The following CACNA1D variants were observed in gnomAD, a reference collection of about 807,000 sequenced individuals.
CACNA1D encodes the protein voltage-dependent L-type calcium channel subunit alpha-1D.
Under a neutral mutation model 257.1 loss-of-function variants are expected in CACNA1D, and 55 were observed. The ratio of observed to expected loss-of-function variants is 0.21; its 90% CI spans 0.17 to 0.27. CACNA1D has a LOEUF of 0.27. Among genes scored for constraint, CACNA1D ranks in the 10% least tolerant of loss-of-function variants. The pLI is 1.00. For missense variants in CACNA1D, 1,876 were observed against 2,784.0 expected (o/e 0.67, Z 7.34); for synonymous variants, 980 against 1,014.9 (o/e 0.97, Z 0.65).
chr3:53,569,261 C>T (rs747600757), intron 3 of CACNA1D, among the ~76,000 whole-genome samples: 1 of 152,212 alleles, frequency 6.6e-6, no homozygotes, highest in Non-Finnish European at 1.5e-5. Flanking sequence ...CAGTTGAGGC[C>T]TCCCTTCCAC....
chr3:53,538,405 C>T (rs145538392), intron 3 of CACNA1D, among the ~76,000 whole-genome samples: 105 of 152,296 alleles, frequency 6.9e-4, no homozygotes, highest in African/African-American at 2.4e-3. Flanking sequence ...GATCCGTCCC[C>T]ATCGGCCTCC....
chr3:53,688,709 A>C (rs1046728987), intron 8 of CACNA1D, among the ~76,000 whole-genome samples: 2 of 152,162 alleles, frequency 1.3e-5, no homozygotes, highest in African/African-American at 4.8e-5. Context: ...GATTTCTCTA[A>C]GTCTGACTGT....
chr3:53,666,612 G>C (rs2094267058), intron 7 of CACNA1D, 77 bp downstream of exon 7: 6 of 1,209,194 alleles, frequency 5.0e-6, no homozygotes, highest in Middle Eastern at 1.9e-4. Flanking sequence ...AGCCACTGGA[G>C]AGGTGGCTGG....
chr3:53,682,092 T>A (rs1395233828), intron 8 of CACNA1D, among the ~76,000 whole-genome samples: 1 of 152,188 alleles, frequency 6.6e-6, no homozygotes, highest in Non-Finnish European at 1.5e-5. Context: ...AATGCATGGA[T>A]GAATTTTAAG....
intron 3 of CACNA1D, among the ~76,000 whole-genome samples, chr3:53,558,005 T>G (rs541225168): frequency 3.9e-5 from 6 of 152,254 alleles, no homozygotes; most frequent in Non-Finnish European, 7.3e-5. Flanking sequence ...CTCTATTTAT[T>G]AAGGTCAGCT....
chr3:53,734,016 G>GTATATATATATA (rs58714566), intron 19 of CACNA1D, among the ~76,000 whole-genome samples: 1 of 131,702 alleles, frequency 7.6e-6, no homozygotes, highest in Non-Finnish European at 1.6e-5. Context: ...ATATGTGTGT[G>GTATATATATATA]TATATATATA....
chr3:53,738,684 A>G (rs1240057212), intron 20 of CACNA1D, among the ~76,000 whole-genome samples: 1 of 152,082 alleles, frequency 6.6e-6, no homozygotes, highest in African/African-American at 2.4e-5. Flanking sequence ...AAATAGATGT[A>G]CATATGTGTA....
intron 40 of CACNA1D, among the ~76,000 whole-genome samples, chr3:53,798,988 G>A (rs186069909): frequency 6.6e-5 from 10 of 152,292 alleles, no homozygotes; most frequent in South Asian, 2.1e-4. Flanking sequence ...ACAGGGAAGC[G>A]GTCTCCTCTC....
In CACNA1D at chr3:53,723,517, G is replaced by T. The variant is rs773365038; in HGVS notation, c.1750G>T (p.Val584Phe). 4 of 1,613,916 alleles carry T rather than the reference G, an allele frequency of 2.5e-6. No individual in the cohort carries two copies. The highest frequency in any genetic ancestry group is 3.4e-6 in the Non-Finnish European group (4 of 1,180,000). Residue 584 changes from valine to phenylalanine, a missense_variant, in exon 13 of 48, where the codon GTC (valine) becomes TTC (phenylalanine). Physicochemically the swap from Val to Phe is conservative, Grantham distance 50. Coordinates refer to ENST00000350061, the MANE Select transcript of CACNA1D (RefSeq NM_001128840.3). This position sits in a 1 kb window ranked among gnomAD's most constrained non-coding sequence, Gnocchi z 5.6. Reference protein sequence around the residue: ...MYSLGLQAYFVSLFNRFDCFV... With the variant: ...MYSLGLQAYFFSLFNRFDCFV... ...CAGCTTGGGCCTCCAAGCATATTTC[G>T]TCTCTCTTTTCAACCGGTTTGATTG...
intron 43 of CACNA1D, among the ~76,000 whole-genome samples, chr3:53,802,467 T>C (rs574139016): frequency 5.9e-5 from 9 of 152,340 alleles, no homozygotes; most frequent in African/African-American, 2.2e-4. Flanking sequence ...CCATTGTGCA[T>C]TTACAGGGGC....
chr3:53,741,030 C>T (rs989005454), intron 21 of CACNA1D, among the ~76,000 whole-genome samples: 4 of 152,162 alleles, frequency 2.6e-5, no homozygotes, highest in South Asian at 2.1e-4. Flanking sequence ...GCCCTTTGGC[C>T]GGGGTGACCT....
chr3:53,674,055 G>A, intron 8 of CACNA1D: 1 of 598,232 alleles, frequency 1.7e-6, no homozygotes, highest in African/African-American at 1.8e-5. Context: ...AAAGCCAGTT[G>A]TGTTAGTATG....
At chr3:53,639,578 G>A (rs1272639262) in intron 3 of CACNA1D, among the ~76,000 whole-genome samples, 1 of 152,028 alleles carries the variant, frequency 6.6e-6, no homozygotes, top group African/African-American at 2.4e-5. Context: ...AGTAGAGATG[G>A]GGTTTCACCA....
intron 3 of CACNA1D, among the ~76,000 whole-genome samples, chr3:53,524,965 G>A (rs1443871194): frequency 2.6e-5 from 4 of 152,174 alleles, no homozygotes; most frequent in Non-Finnish European, 5.9e-5. Flanking sequence ...TGGAGCAGTG[G>A]GGAGAGGCTC....
In CACNA1D at chr3:53,793,609, G is replaced by A. The variant is rs1023877309; in HGVS notation, c.4924-6640G>A. On this transcript the variant is annotated intron_variant, in intron 40 of 47. Coordinates refer to ENST00000350061, the MANE Select transcript of CACNA1D (RefSeq NM_001128840.3). The surrounding 1 kb of genome is among the most constrained non-coding windows in gnomAD (Gnocchi z 4.1). ...GTGACCACTTTCTAGATGGGACTTAGGGAGTGATTTAAATGGAACAAGAGA... is the reference window on the plus strand; with the variant it reads ...GTGACCACTTTCTAGATGGGACTTAAGGAGTGATTTAAATGGAACAAGAGA... 2.0e-5 allele frequency among the ~76,000 whole-genome samples: 3 copies of A among 152,202 alleles called. No individual in the cohort carries two copies. The highest frequency in any genetic ancestry group is 6.5e-5 in the Admixed American group (1 of 15,286).
Position 53,495,343 on chromosome 3 carries a change from T to C in CACNA1D, c.67+110T>C. 7.7e-7 allele frequency: 1 copy of C among 1,304,042 alleles called. No individual in the cohort carries two copies. Among genetic ancestry groups the C allele is most frequent in the Non-Finnish European group, 1.1e-6 (1 of 902,230 alleles). 80.8% of individuals were successfully genotyped at this position (1,304,042 alleles called of 1,614,324 possible). Reference sequence around the variant, plus strand: ...GATGGGTTGAGGGGGTTGGAGAGGGTGCTGCCAGCTCGGTGTCGTCTACAC... The same window carrying C: ...GATGGGTTGAGGGGGTTGGAGAGGGCGCTGCCAGCTCGGTGTCGTCTACAC... On this transcript the variant is annotated intron_variant, in intron 1 of 47. Coordinates refer to ENST00000350061, the MANE Select transcript of CACNA1D (RefSeq NM_001128840.3). The surrounding 1 kb of genome is among the most constrained non-coding windows in gnomAD (Gnocchi z 5.1).
In CACNA1D at chr3:53,812,264, T is replaced by C. The variant is rs909529390; in HGVS notation, c.*858T>C. The stretch of plus-strand genomic sequence containing the variant: ...CTGCAGCAATATCCATGGGTCCTAA[T>C]AATTGTAGTTCCCCACTAAAATCTA... On this transcript the variant is annotated 3_prime_UTR_variant, in exon 48 of 48. Coordinates refer to ENST00000350061, the MANE Select transcript of CACNA1D (RefSeq NM_001128840.3). The C allele has an allele frequency of 1.3e-5, 2 of 152,248 alleles. No individual in the cohort carries two copies. The highest frequency in any genetic ancestry group is 1.9e-4 in the East Asian group (1 of 5,206). The allele number at this position is 152,248 out of a possible 1,614,324, so 9.4% of individuals were successfully genotyped here. A position where few individuals can be genotyped will look rare whatever the true frequency, so the allele number is the denominator to read the frequency against.
chr3:53,768,905 C>G (rs1310755586), intron 30 of CACNA1D, among the ~76,000 whole-genome samples: 1 of 152,224 alleles, frequency 6.6e-6, no homozygotes, highest in African/African-American at 2.4e-5. Context: ...TGCAGACACA[C>G]TGTACAGAAA....
intron 39 of CACNA1D, among the ~76,000 whole-genome samples, chr3:53,784,626 G>A (rs1206406081): frequency 3.3e-5 from 5 of 152,144 alleles, no homozygotes; most frequent in Non-Finnish European, 7.4e-5. Context: ...AATGGGGTGT[G>A]GGTCTTCTTC....
Sources: gnomAD v4.1 joint callset for allele counts (sites outside exome capture counted in the v4.1 genomes callset) on GRCh38, gnomAD v4.1.1 for gene constraint, Gnocchi (gnomAD v3.1) non-coding constraint, MANE v1.5 for transcripts, NCBI Gene and HGNC (gene_info 2026-07-23, HGNC 2026-07-21) for gene names.